COL4A4: variants seen among roughly 807,000 people sequenced by gnomAD.
COL4A4 encodes the protein collagen type IV alpha 4 chain.
COL4A4 carries 105 observed loss-of-function variants against 192.9 expected under a neutral mutation model. The observed-to-expected ratio is 0.54, with a 90% CI of 0.46 to 0.64. The LOEUF is 0.64. COL4A4 is among the 30% of genes least tolerant of loss of function. COL4A4 has a pLI of 0.00. For missense variants in COL4A4, 1,967 were observed against 2,169.3 expected, an observed-to-expected ratio of 0.91 and a Z score of 1.85; for synonymous variants, 762 against 769.9, an observed-to-expected ratio of 0.99 and a Z score of 0.17.
rs200714000 is a variant in COL4A4 at position 227,057,585 on chromosome 2, G to C, written c.2399C>G (p.Pro800Arg). Residue 800 changes from proline to arginine, a missense_variant, in exon 29 of 48, where the codon CCT becomes CGT. Transcript: ENST00000396625. Reference protein sequence around the residue: ...CPGAEGPAGIPGFLGLKGPKG... With the variant: ...CPGAEGPAGIRGFLGLKGPKG... Reference sequence around the variant, plus strand: ...GGGACCTTTGAGACCTAGGAATCCAGGAATGCCAGCTGGCCCTGAAATGAT... The same window carrying C: ...GGGACCTTTGAGACCTAGGAATCCACGAATGCCAGCTGGCCCTGAAATGAT... The C allele has an allele frequency of 2.7e-4, 440 of 1,614,154 alleles. 2 individuals are homozygous for C. Among genetic ancestry groups the C allele is most frequent in the Non-Finnish European group, 8.5e-6 (10 of 1,180,030 alleles).
chr2:227,014,301 G>A (rs577923156), intron 44 of COL4A4, among the ~76,000 whole-genome samples: 9 of 152,268 alleles, frequency 5.9e-5, no homozygotes, highest in South Asian at 4.2e-4. Flanking sequence ...TTGGTAGGGC[G>A]GGGTGGGGCA....
At chr2:227,057,143 T>C (rs1252446902) in intron 29 of COL4A4, among the ~76,000 whole-genome samples, 1 of 152,190 alleles carries the variant, frequency 6.6e-6, no homozygotes, top group East Asian at 1.9e-4. Flanking sequence ...CTTTCCTCAA[T>C]AGGAAAAGCA....
the COL4A4 span, among the ~76,000 whole-genome samples, chr2:226,984,932 G>C: frequency 3.3e-5 from 5 of 151,584 alleles, no homozygotes. Context: ...GGTTGGGGTG[G>C]GGGAGGGGGA....
intron 9 of COL4A4, among the ~76,000 whole-genome samples, chr2:227,109,762 C>T (rs1202725584): frequency 1.4e-5 from 2 of 146,738 alleles, no homozygotes; most frequent in Non-Finnish European, 3.0e-5. Context: ...AAAAAAAAAG[C>T]ACCAAGCTAA....
chr2:226,997,328 T>C, the COL4A4 span: 1 of 152,240 alleles, frequency 6.6e-6, no homozygotes, highest in Non-Finnish European at 1.5e-5. Context: ...TTACCCCAAT[T>C]AGAAGTAACT....
intron 43 of COL4A4, chr2:227,022,632 A>G (rs1966246955): frequency 6.1e-6 from 3 of 494,418 alleles, no homozygotes; most frequent in Non-Finnish European, 1.3e-5. Context: ...GGGTTTCCAT[A>G]GTGTCAGTCA....
At position 227,045,943 on chromosome 2, in the gene COL4A4, G is replaced by GTATATATGTATATATTTA. The variant is rs1972625253; in HGVS notation, c.3289+1531_3289+1532insTAAATATATACATATATA. Reference sequence around the variant, plus strand: ...TATGTATATGTATATATGTATATATGTATATATGTATATATGTATATATTT... The same window carrying GTATATATGTATATATTTA: ...TATGTATATGTATATATGTATATATGTATATATGTATATATTTATATATATGTATATATGTATATATTT... On this transcript the variant is annotated intron_variant, in intron 35 of 47. Coordinates refer to ENST00000396625, the MANE Select transcript of COL4A4 (RefSeq NM_000092.5). Among the ~76,000 whole-genome samples, 10 of 39,032 alleles carry GTATATATGTATATATTTA rather than the reference G, an allele frequency of 2.6e-4. 3 individuals carry two copies. Among genetic ancestry groups the GTATATATGTATATATTTA allele is most frequent in the African/African-American group, 1.2e-3 (10 of 8,540 alleles). The allele number at this position is 39,032 out of a possible 152,430, so 25.6% of individuals were successfully genotyped here.
Position 227,123,832 on chromosome 2 carries a change from C to A in COL4A4, c.193-2684G>T, listed in dbSNP as rs2061938589. ...TTCAGGCCGACATAGAACATCCTCC[C>A]CAAGCTCATGAGGGAGAAACAGAGT... is the stretch of plus-strand genomic sequence containing the variant. On this transcript the variant is annotated intron_variant, in intron 4 of 47. Transcript: ENST00000396625. The surrounding 1 kb of genome is among the most constrained non-coding windows in gnomAD (Gnocchi z 4.6). 6.6e-6 allele frequency among the ~76,000 whole-genome samples: 1 copy of A among 152,190 alleles called. No homozygotes were observed. Among genetic ancestry groups the A allele is most frequent in the Middle Eastern group, 3.2e-3 (1 of 316 alleles).
intron 25 of COL4A4, among the ~76,000 whole-genome samples, chr2:227,070,650 A>G (rs1559548256): frequency 6.9e-6 from 1 of 144,860 alleles, no homozygotes; most frequent in African/African-American, 2.6e-5. Flanking sequence ...ATTCTCACTC[A>G]TAGGTGGGAA....
intron 15 of COL4A4, among the ~76,000 whole-genome samples, 193 bp downstream of exon 15, chr2:227,102,596 G>A (rs1466185299): frequency 6.6e-6 from 1 of 152,136 alleles, no homozygotes; most frequent in Non-Finnish European, 1.5e-5. Flanking sequence ...TTGCTTGCCT[G>A]TTTTATCTAA....
chr2:227,087,779 G>A (rs2059682893), intron 22 of COL4A4, among the ~76,000 whole-genome samples: 1 of 152,086 alleles, frequency 6.6e-6, no homozygotes, highest in South Asian at 2.1e-4. Flanking sequence ...ACTCTCCCCT[G>A]GCTGTTTCAT....
At chr2:227,141,666 A>C (rs1006804168) in intron 3 of COL4A4, among the ~76,000 whole-genome samples, 1 of 152,198 alleles carries the variant, frequency 6.6e-6, no homozygotes, top group Non-Finnish European at 1.5e-5. Context: ...GCATACAAGA[A>C]TTTGAAGCTT....
At chr2:226,976,263 C>A in the COL4A4 span, among the ~76,000 whole-genome samples, 2 of 145,678 alleles carry the variant, frequency 1.4e-5, no homozygotes, top group African/African-American at 5.1e-5. Flanking sequence ...TCTGTGTCCT[C>A]TGGTCATACT....
In COL4A4 at chr2:227,022,544, C is replaced by A. The variant is rs1008580219; in HGVS notation, c.4091-371G>T. 5.5e-6 allele frequency: 3 copies of A among 543,530 alleles called. No homozygotes were observed. The African/African-American group carries it at 5.7e-5, about 10-fold the overall frequency. The allele number at this position is 543,530 out of a possible 1,614,324, so 33.7% of individuals were successfully genotyped here. A position where few individuals can be genotyped will look rare whatever the true frequency, so the allele number is the denominator to read the frequency against. On this transcript the variant is annotated intron_variant, in intron 43 of 47. Transcript: ENST00000396625. Reference sequence around the variant, plus strand: ...TTACTGGAGTAGCAGCCACAGGTAGCATTGCAAGAGGGACTGGTGGGTTCC... The same window carrying A: ...TTACTGGAGTAGCAGCCACAGGTAGAATTGCAAGAGGGACTGGTGGGTTCC...
At chr2:227,146,914 G>T (rs183949212) in intron 2 of COL4A4, among the ~76,000 whole-genome samples, 30 of 152,238 alleles carry the variant, frequency 2.0e-4, no homozygotes, top group African/African-American at 7.2e-4. Flanking sequence ...GTCAAGCTCA[G>T]GTCAACTCCT....
Position 227,005,811 on chromosome 2 carries a change from T to C in COL4A4, c.*1514A>G, listed in dbSNP as rs1961965329. ...CGCTCATGAGAAATTTCTTTAGTTT[T>C]CTCTAAAATGCCTTTTTCTTTTAGA... On this transcript the variant is annotated 3_prime_UTR_variant, in exon 48 of 48. Transcript: ENST00000396625. The C allele has an allele frequency of 6.6e-6, 1 of 152,208 alleles. No individual in the cohort carries two copies. The highest frequency in any genetic ancestry group is 6.5e-5 in the Admixed American group (1 of 15,286). The allele number at this position is 152,208 out of a possible 1,614,324, so 9.4% of individuals were successfully genotyped here.
intron 32 of COL4A4, among the ~76,000 whole-genome samples, chr2:227,051,814 G>C (rs1317889792): frequency 3.3e-5 from 5 of 152,106 alleles, no homozygotes; most frequent in Admixed American, 3.3e-4. Flanking sequence ...TCCAAATCTA[G>C]GAGTACACAG....
At chr2:227,041,846 AAG>A (rs767450885) in intron 37 of COL4A4, among the ~76,000 whole-genome samples, 4,446 of 37,832 alleles carry the variant, frequency 0.12, 357 homozygotes, top group African/African-American at 0.16. Flanking sequence ...GAAAGAAAGA[AAG>A]AGAAAGAAAG....
intron 1 of COL4A4, among the ~76,000 whole-genome samples, chr2:227,159,009 A>T (rs568837166): frequency 3.5e-4 from 54 of 152,344 alleles, no homozygotes; most frequent in Non-Finnish European, 6.2e-4. Flanking sequence ...ACTTGTAGAA[A>T]AATATTCATA....
Sources: gnomAD v4.1 joint callset for allele counts (sites outside exome capture counted in the v4.1 genomes callset) on GRCh38, gnomAD v4.1.1 for gene constraint, Gnocchi (gnomAD v3.1) non-coding constraint, MANE v1.5 for transcripts, NCBI Gene and HGNC (gene_info 2026-07-23, HGNC 2026-07-21) for gene names.